RAB10: variants seen among roughly 807,000 people sequenced by gnomAD.
RAB10 encodes RAB10, member RAS oncogene family, also known as ras-related protein Rab-10.
RAB10 carries 5 observed loss-of-function variants against 25.7 expected under a neutral mutation model. The observed-to-expected ratio is 0.19, with a 90% CI of 0.10 to 0.41. RAB10 has a LOEUF of 0.41. Ranked by LOEUF, RAB10 falls within the 10% of genes least tolerant of loss-of-function variation. The pLI, the probability that RAB10 is intolerant of heterozygous loss-of-function variation, is 1.00. For missense variants in RAB10, 103 were observed against 245.8 expected, an observed-to-expected ratio of 0.42 and a Z score of 3.89; for synonymous variants, 89 against 86.4, an observed-to-expected ratio of 1.03 and a Z score of -0.16.
chr2:26,090,310 T>C (rs1667074590), intron 1 of RAB10, among the ~76,000 whole-genome samples: 2 of 152,190 alleles, frequency 1.3e-5, no homozygotes, highest in Non-Finnish European at 2.9e-5. Context: ...TTTAGTGTTA[T>C]TGAGAAGTTG....
chr2:26,114,737 C>CAAAAAAAAAAAAAAAA lies in RAB10; in HGVS notation c.327+4834_327+4849dup, dbSNP rs58252306. 2.6e-3 allele frequency among the ~76,000 whole-genome samples: 174 copies of CAAAAAAAAAAAAAAAA among 65,998 alleles called. 1 individual carries two copies. Among genetic ancestry groups the CAAAAAAAAAAAAAAAA allele is most frequent in the African/African-American group, 9.1e-3 (166 of 18,308 alleles). The allele number at this position is 65,998 out of a possible 152,430, so 43.3% of individuals were successfully genotyped here. A position where few individuals can be genotyped will look rare whatever the true frequency, so the allele number is the denominator to read the frequency against. On this transcript the variant is annotated intron_variant, in intron 3 of 5. Coordinates refer to ENST00000264710, the MANE Select transcript of RAB10 (RefSeq NM_016131.5). ...GAAACCCCATCTCTACAAAAATATA[C>CAAAAAAAAAAAAAAAA]AAAAAAAAAAAAAAAAAATTAGTCG...
chr2:26,099,831 T>C (rs991799399), intron 2 of RAB10, among the ~76,000 whole-genome samples: 7 of 152,126 alleles, frequency 4.6e-5, no homozygotes, highest in South Asian at 2.1e-4. Flanking sequence ...TGTGAGCCAC[T>C]GCGCCTGGTC....
chr2:26,040,309 G>T (rs1665856802), intron 1 of RAB10, among the ~76,000 whole-genome samples: 1 of 152,156 alleles, frequency 6.6e-6, no homozygotes, highest in Non-Finnish European at 1.5e-5. Flanking sequence ...GCACCATCGC[G>T]TCTGGCTGTG....
intron 1 of RAB10, among the ~76,000 whole-genome samples, chr2:26,097,336 C>T (rs188020113): frequency 2.4e-4 from 36 of 152,256 alleles, no homozygotes; most frequent in Non-Finnish European, 3.4e-4. Flanking sequence ...TGCAGTGGCG[C>T]GATCTCAGCT....
At chr2:26,062,571 G>T (rs1666424501) in intron 1 of RAB10, among the ~76,000 whole-genome samples, 6 of 151,996 alleles carry the variant, frequency 3.9e-5, no homozygotes, top group Admixed American at 3.9e-4. Context: ...TCAGCTACTC[G>T]GGAGGCTGAG....
chr2:26,040,403 C>T (rs1024415152), intron 1 of RAB10, among the ~76,000 whole-genome samples: 1 of 152,076 alleles, frequency 6.6e-6, no homozygotes, highest in Non-Finnish European at 1.5e-5. Flanking sequence ...GTGGCTCAAA[C>T]CTGTAATCCC....
intron 1 of RAB10, among the ~76,000 whole-genome samples, chr2:26,057,367 T>G (rs915347834): frequency 2.6e-5 from 4 of 151,544 alleles, no homozygotes; most frequent in African/African-American, 9.7e-5. Flanking sequence ...AATTTGAGGT[T>G]GCATTGTGCA....
intron 1 of RAB10, among the ~76,000 whole-genome samples, chr2:26,062,411 C>G (rs1296581558): frequency 6.6e-6 from 1 of 152,154 alleles, no homozygotes; most frequent in South Asian, 2.1e-4. Flanking sequence ...GGCATGGTGG[C>G]TCATGCCTGT....
At chr2:26,043,098 T>C (rs530658164) in intron 1 of RAB10, among the ~76,000 whole-genome samples, 1 of 152,300 alleles carries the variant, frequency 6.6e-6, no homozygotes, top group South Asian at 2.1e-4. Flanking sequence ...TCTAGTGATC[T>C]CACTTCGAGT....
chr2:26,078,553 A>T (rs1485515407), intron 1 of RAB10, among the ~76,000 whole-genome samples: 1 of 152,188 alleles, frequency 6.6e-6, no homozygotes, highest in Non-Finnish European at 1.5e-5. Flanking sequence ...TTTACTGCTC[A>T]GTAGGCAGGA....
intron 1 of RAB10, among the ~76,000 whole-genome samples, chr2:26,091,925 AC>A (rs1201141578): frequency 6.6e-6 from 1 of 152,150 alleles, no homozygotes; most frequent in East Asian, 1.9e-4. Context: ...TAATCCCAGA[AC>A]TTTGGGAGGC....
chr2:26,086,020 G>GGC (rs1553726786), intron 1 of RAB10, among the ~76,000 whole-genome samples: 2 of 140,068 alleles, frequency 1.4e-5, no homozygotes, highest in African/African-American at 5.3e-5. Flanking sequence ...AAAAAAAAGG[G>GGC]GGGGGGCAAA....
chr2:26,120,778 C>T (rs777071012), intron 3 of RAB10, among the ~76,000 whole-genome samples: 19 of 151,944 alleles, frequency 1.3e-4, no homozygotes, highest in Non-Finnish European at 2.5e-4. Flanking sequence ...TTTTAGTAGA[C>T]ACGAGGTTTC....
chr2:26,069,383 T>TA (rs1231334801), intron 1 of RAB10, among the ~76,000 whole-genome samples: 1 of 152,110 alleles, frequency 6.6e-6, no homozygotes, highest in Non-Finnish European at 1.5e-5. Flanking sequence ...GAAGGGCATT[T>TA]AAAAAAACTT....
At position 26,034,161 on chromosome 2, in the gene RAB10, G is replaced by A; in HGVS notation, c.-448G>A. On this transcript the variant is annotated 5_prime_UTR_variant, in exon 1 of 6. Transcript: ENST00000264710. ...TGGCCGGGGTGGCTCGGTTTCCTGGGGCTATGTAACTGAGCTCGTCGACTT... is the reference window on the plus strand; with the variant it reads ...TGGCCGGGGTGGCTCGGTTTCCTGGAGCTATGTAACTGAGCTCGTCGACTT... 1 of 409,256 alleles carries A rather than the reference G, an allele frequency of 2.4e-6. No individual in the cohort carries two copies. Among genetic ancestry groups the A allele is most frequent in the East Asian group, 3.5e-5 (1 of 28,674 alleles). The allele number at this position is 409,256 out of a possible 1,614,324, so 25.4% of individuals were successfully genotyped here.
intron 1 of RAB10, among the ~76,000 whole-genome samples, chr2:26,082,406 G>A (rs1666888664): frequency 6.6e-6 from 1 of 152,054 alleles, no homozygotes; most frequent in Admixed American, 6.5e-5. Context: ...AGAGCAAGGA[G>A]TATATTTCTA....
intron 1 of RAB10, among the ~76,000 whole-genome samples, chr2:26,093,263 C>T (rs1667146707): frequency 6.6e-6 from 1 of 152,042 alleles, no homozygotes; most frequent in Non-Finnish European, 1.5e-5. Flanking sequence ...TTTCTTTTTT[C>T]TTCCGTGGAT....
chr2:26,113,086 AAAAG>A lies in RAB10; in HGVS notation c.327+3190_327+3193del, dbSNP rs1303718793. On this transcript the variant is annotated intron_variant, in intron 3 of 5. Transcript: ENST00000264710. Reference sequence around the variant, plus strand: ...GGCAGCAGAGTGCAACTCCGTCTCAAAAAGAAAGAAAGAGGAAATCTTGTTTCTC... The same window carrying A: ...GGCAGCAGAGTGCAACTCCGTCTCAAAAAGAAAGAGGAAATCTTGTTTCTC... Among the ~76,000 whole-genome samples the A allele has an allele frequency of 4.6e-5, 7 of 152,256 alleles. No individual in the cohort carries two copies. In the East Asian group the frequency reaches 5.8e-4, roughly 13 times the overall value.
At chr2:26,061,055 TACTC>T (rs1168754238) in intron 1 of RAB10, among the ~76,000 whole-genome samples, 5 of 149,452 alleles carry the variant, frequency 3.3e-5, no homozygotes, top group Non-Finnish European at 7.4e-5. Flanking sequence ...AAAGAGCTGA[TACTC>T]AGTTGAAAAT....
Sources: allele counts gnomAD v4.1 joint callset (sites outside exome capture counted in the v4.1 genomes callset), GRCh38; gene constraint gnomAD v4.1.1; transcripts MANE v1.5; gene names NCBI Gene and HGNC (gene_info 2026-07-23, HGNC 2026-07-21).